The following TDRD3 variants were observed in gnomAD, a reference collection of about 807,000 sequenced individuals.
TDRD3 encodes tudor domain containing 3, also known as tudor domain-containing protein 3.
TDRD3 carries 45 observed loss-of-function variants against 86.7 expected under a neutral mutation model. That is an observed-to-expected ratio of 0.52 (90% CI 0.41 to 0.67). The LOEUF (loss-of-function observed/expected upper bound fraction) is 0.67. Among genes scored for constraint, TDRD3 ranks in the 30% least tolerant of loss-of-function variants. The pLI is 0.00. For missense variants in TDRD3, 814 were observed against 889.0 expected (o/e 0.92, Z 1.07); for synonymous variants, 298 against 301.7 (o/e 0.99, Z 0.13).
At chr13:60,434,211 TG>T (rs1955030267) in intron 1 of TDRD3, 1 of 152,156 alleles carries the variant, frequency 6.6e-6, no homozygotes, top group Non-Finnish European at 1.5e-5. Flanking sequence ...GGCTCATGCC[TG>T]CAATCCTAGC....
At chr13:60,487,962 G>A (rs970396279) in intron 7 of TDRD3, among the ~76,000 whole-genome samples, 2 of 152,040 alleles carry the variant, frequency 1.3e-5, no homozygotes, top group Non-Finnish European at 2.9e-5. Flanking sequence ...GATTATAGCA[G>A]TTTTAACTGG....
chr13:60,492,306 GGTAATTTTGTTCTA>G (rs143838946), intron 7 of TDRD3, among the ~76,000 whole-genome samples: 5,173 of 152,220 alleles, frequency 0.034, 129 homozygotes, highest in Non-Finnish European at 0.052. Context: ...AGACTTTTCA[GGTAATTTTGTTCTA>G]GTATATTAAC....
intron 1 of TDRD3, among the ~76,000 whole-genome samples, chr13:60,418,546 C>T (rs987954888): frequency 6.6e-6 from 1 of 152,102 alleles, no homozygotes; most frequent in African/African-American, 2.4e-5. Context: ...AGAGACTCAA[C>T]AAATGTTTAT....
chr13:60,426,747 AG>A (rs1357438065), intron 1 of TDRD3, among the ~76,000 whole-genome samples: 1 of 152,236 alleles, frequency 6.6e-6, no homozygotes, highest in Non-Finnish European at 1.5e-5. Flanking sequence ...GGTTTCACAG[AG>A]GAATTCTATA....
chr13:60,520,830 G>T (rs1957271577), intron 10 of TDRD3, among the ~76,000 whole-genome samples: 1 of 338 alleles, frequency 3.0e-3, no homozygotes, highest in African/African-American at 8.6e-3. Flanking sequence ...CAGCTGCTCA[G>T]TGGTTAGGAC....
intron 12 of TDRD3, among the ~76,000 whole-genome samples, chr13:60,542,038 A>G (rs1957829443): frequency 6.6e-6 from 1 of 151,950 alleles, no homozygotes; most frequent in African/African-American, 2.4e-5. Context: ...CCTTCAGCAT[A>G]TTCTTAAGGA....
chr13:60,551,753 C>T (rs896427149), intron 12 of TDRD3, among the ~76,000 whole-genome samples: 1 of 152,150 alleles, frequency 6.6e-6, no homozygotes, highest in Non-Finnish European at 1.5e-5. Context: ...CACAGTTCTG[C>T]ATAGCTGGAG....
intron 3 of TDRD3, among the ~76,000 whole-genome samples, chr13:60,451,983 G>A (rs1955556842): frequency 6.6e-6 from 1 of 152,080 alleles, no homozygotes; most frequent in African/African-American, 2.4e-5. Flanking sequence ...TGAAATGCTG[G>A]TAAAATGCTT....
rs576975103 is a variant in TDRD3, at chr13:60,467,679, C to CA, written c.495+306dup. ...ATTTATTTGTGTATAATTCTTTCTG[C>CA]AAAAAACAAAAGTGCATCTATGTGA... On this transcript the variant is annotated intron_variant, in intron 5 of 13. Transcript: ENST00000377881. Among the ~76,000 whole-genome samples the CA allele has an allele frequency of 3.6e-3, 543 of 152,168 alleles. 3 individuals are homozygous for CA. The highest frequency in any genetic ancestry group is 0.013 in the African/African-American group (521 of 41,508).
chr13:60,467,498 A>G (rs1333346787), intron 5 of TDRD3, 119 bp downstream of exon 5: 14 of 1,105,994 alleles, frequency 1.3e-5, no homozygotes, highest in Non-Finnish European at 1.4e-5. Context: ...AGAATGGAAT[A>G]TGATTATCTT....
intron 12 of TDRD3, chr13:60,537,243 A>G (rs895070790): frequency 7.2e-5 from 11 of 152,060 alleles, no homozygotes; most frequent in African/African-American, 2.4e-4. Flanking sequence ...GTAGGTTACT[A>G]TAACAGACAT....
At chr13:60,550,359 G>A (rs894381378) in intron 12 of TDRD3, among the ~76,000 whole-genome samples, 2 of 152,106 alleles carry the variant, frequency 1.3e-5, no homozygotes, top group Non-Finnish European at 2.9e-5. Context: ...ATGCAGTAAT[G>A]TGAAGAATTT....
At chr13:60,546,590 C>T (rs747640735) in intron 12 of TDRD3, among the ~76,000 whole-genome samples, 1 of 151,974 alleles carries the variant, frequency 6.6e-6, no homozygotes, top group Non-Finnish European at 1.5e-5. Context: ...ATGTGAATTT[C>T]CTATCTATTC....
At position 60,420,380 on chromosome 13, in the gene TDRD3, G is replaced by GT. The variant is rs79700473; in HGVS notation, c.42-19298dup. Among the ~76,000 whole-genome samples, 91 of 149,690 alleles carry GT rather than the reference G, an allele frequency of 6.1e-4. 1 individual carries two copies. The highest frequency in any genetic ancestry group is 8.8e-4 in the Non-Finnish European group (59 of 67,380). On this transcript the variant is annotated intron_variant, in intron 1 of 13. Transcript: ENST00000377881. ...ATTTTGGTCAAGATCAATTTTATCA[G>GT]TTTTTTTTTTCTTTTATAATGAGGG... is the stretch of plus-strand genomic sequence containing the variant.
intron 1 of TDRD3, among the ~76,000 whole-genome samples, chr13:60,411,253 T>G (rs1052411987): frequency 6.6e-6 from 1 of 152,208 alleles, no homozygotes; most frequent in Non-Finnish European, 1.5e-5. Flanking sequence ...CAAGTTGAAT[T>G]AAAAATTCAT....
Position 60,524,627 on chromosome 13 carries a change from C to T in TDRD3, c.1142-3740C>T, listed in dbSNP as rs576152367. On this transcript the variant is annotated intron_variant, in intron 10 of 13. Coordinates refer to ENST00000377881, the MANE Select transcript of TDRD3 (RefSeq NM_001146070.2). ...AATAGATGAGCTCAGTTTCAAAATA[C>T]TTACTTTATATATGACTTTATGATT... Among the ~76,000 whole-genome samples, 26 of 152,116 alleles carry T rather than the reference C, an allele frequency of 1.7e-4. No individual in the cohort carries two copies. In the South Asian group the frequency reaches 5.0e-3, roughly 29 times the overall value.
intron 7 of TDRD3, among the ~76,000 whole-genome samples, chr13:60,486,593 A>G (rs1725247668): frequency 6.6e-6 from 1 of 152,138 alleles, no homozygotes; most frequent in Non-Finnish European, 1.5e-5. Context: ...GTCACCTCAA[A>G]CATTTACCAT....
chr13:60,536,930 T>G (rs895004446), intron 12 of TDRD3: 3 of 152,072 alleles, frequency 2.0e-5, no homozygotes, highest in Non-Finnish European at 1.5e-5. Flanking sequence ...TATCCTTGAT[T>G]TTAGGTCTGT....
chr13:60,501,450 G>T (rs1223311666), intron 8 of TDRD3, among the ~76,000 whole-genome samples: 1 of 152,194 alleles, frequency 6.6e-6, no homozygotes, highest in Non-Finnish European at 1.5e-5. Flanking sequence ...AATATAAATG[G>T]AACATTCCTT....
Sources: gnomAD v4.1 joint callset for allele counts (sites outside exome capture counted in the v4.1 genomes callset) on GRCh38, gnomAD v4.1.1 for gene constraint, MANE v1.5 for transcripts, NCBI Gene and HGNC (gene_info 2026-07-23, HGNC 2026-07-21) for gene names.